The following DLGAP2 variants were observed in gnomAD, a reference collection of about 807,000 sequenced individuals.
DLGAP2 encodes DLG associated protein 2.
DLGAP2 carries 26 observed loss-of-function variants against 100.3 expected under a neutral mutation model. The ratio of observed to expected loss-of-function variants is 0.26; its 90% CI spans 0.19 to 0.36. DLGAP2 has a LOEUF of 0.36. Among genes scored for constraint, DLGAP2 ranks in the 10% least tolerant of loss-of-function variants. The pLI is 1.00. For missense variants in DLGAP2, 1,858 were observed against 1,453.2 expected (o/e 1.28, Z -4.53); for synonymous variants, 886 against 630.1 (o/e 1.41, Z -6.08).
chr8:1,498,216 G>A (rs758674777), intron 3 of DLGAP2, among the ~76,000 whole-genome samples: 4 of 152,258 alleles, frequency 2.6e-5, no homozygotes, highest in East Asian at 1.9e-4. Context: ...AGTTCCCACC[G>A]TGCAGAGGAA....
rs117258262 is a variant in DLGAP2, at chr8:1,685,503, G to A, written c.2705-6032G>A. Among the ~76,000 whole-genome samples, 12 of 152,298 alleles carry A rather than the reference G, an allele frequency of 7.9e-5. No homozygotes were observed. In the East Asian group the frequency reaches 2.3e-3, roughly 29 times the overall value. The stretch of plus-strand genomic sequence containing the variant: ...GTGTCCATTTTGTGGATCAGACTAA[G>A]AGAATCAACCCACTGACCAGGCCTC... On this transcript the variant is annotated intron_variant, in intron 12 of 14. Transcript: ENST00000637795.
chr8:1,325,187 T>C (rs1800992211), intron 3 of DLGAP2, among the ~76,000 whole-genome samples: 1 of 152,176 alleles, frequency 6.6e-6, no homozygotes, highest in Non-Finnish European at 1.5e-5. Context: ...TAGCGGATGG[T>C]CTTCTCAGCG....
chr8:1,650,842 G>A (rs1167118842), intron 8 of DLGAP2, among the ~76,000 whole-genome samples: 1 of 148,276 alleles, frequency 6.7e-6, no homozygotes, highest in Non-Finnish European at 1.5e-5. Context: ...GAGCAGAGAT[G>A]GGAGGAGAGT....
chr8:1,596,484 C>T (rs1796463216), intron 6 of DLGAP2, among the ~76,000 whole-genome samples: 1 of 152,190 alleles, frequency 6.6e-6, no homozygotes, highest in African/African-American at 2.4e-5. Context: ...CTTATACTCC[C>T]ACCAACAGTG....
At chr8:1,592,423 C>T (rs1360701635) in intron 6 of DLGAP2, among the ~76,000 whole-genome samples, 1 of 152,044 alleles carries the variant, frequency 6.6e-6, no homozygotes, top group African/African-American at 2.4e-5. Context: ...GACTTTACCC[C>T]TGTGTTTCTG....
At chr8:1,636,368 T>C (rs960880170) in intron 8 of DLGAP2, among the ~76,000 whole-genome samples, 2 of 152,212 alleles carry the variant, frequency 1.3e-5, no homozygotes, top group Admixed American at 6.5e-5. Flanking sequence ...CTTATTTTAT[T>C]ATTTATATTT....
intron 3 of DLGAP2, among the ~76,000 whole-genome samples, chr8:1,463,621 A>G (rs1798523441): frequency 6.6e-6 from 1 of 152,238 alleles, no homozygotes; most frequent in African/African-American, 2.4e-5. Flanking sequence ...TGTGTCAAAC[A>G]AAGCAATCCC....
chr8:960,252 T>TTTTTTTTTTTTTTTTTTTTTTC (rs369284313), intron 2 of DLGAP2, among the ~76,000 whole-genome samples: 16 of 142,006 alleles, frequency 1.1e-4, no homozygotes, highest in Admixed American at 2.8e-4. Context: ...TTTTTTTTTT[T>TTTTTTTTTTTTTTTTTTTTTTC]CCCGAGACAC....
chr8:1,190,672 C>T (rs1033946571), intron 2 of DLGAP2, among the ~76,000 whole-genome samples: 1 of 152,292 alleles, frequency 6.6e-6, no homozygotes, highest in Admixed American at 6.5e-5. Context: ...TATCCTCATC[C>T]TCCCAACCCC....
At chr8:1,569,845 G>C (rs531873524) in intron 6 of DLGAP2, among the ~76,000 whole-genome samples, 1 of 152,012 alleles carries the variant, frequency 6.6e-6, no homozygotes, top group Non-Finnish European at 1.5e-5. Context: ...TTCTGCGGAG[G>C]GCAGGATAGA....
intron 4 of DLGAP2, among the ~76,000 whole-genome samples, chr8:1,507,095 G>C (rs142758935): frequency 0.02 from 3,050 of 152,352 alleles, 39 homozygotes; most frequent in Non-Finnish European, 0.032. Context: ...CAGGAGCCCA[G>C]CTGGCTTCAC....
intron 3 of DLGAP2, among the ~76,000 whole-genome samples, chr8:1,494,701 C>T (rs1381298543): frequency 3.3e-5 from 5 of 151,934 alleles, no homozygotes; most frequent in African/African-American, 1.2e-4. Flanking sequence ...GCACTCCAGC[C>T]TGGGCAACAG....
At chr8:1,428,648 C>T (rs1797306541) in intron 3 of DLGAP2, among the ~76,000 whole-genome samples, 1 of 152,210 alleles carries the variant, frequency 6.6e-6, no homozygotes, top group Non-Finnish European at 1.5e-5. Context: ...AATAAATATG[C>T]ATGTGCCCAT....
intron 3 of DLGAP2, among the ~76,000 whole-genome samples, chr8:1,286,319 A>G (rs1799920610): frequency 1.3e-5 from 2 of 152,186 alleles, no homozygotes; most frequent in Admixed American, 1.3e-4. Flanking sequence ...TCTTTACTTT[A>G]TAAATCACCC....
chr8:1,246,135 G>T (rs1250213701), intron 2 of DLGAP2, among the ~76,000 whole-genome samples: 1 of 152,118 alleles, frequency 6.6e-6, no homozygotes, highest in Non-Finnish European at 1.5e-5. Flanking sequence ...ATTCCCATAG[G>T]TGTCTTCTGA....
At chr8:1,145,113 C>T (rs568805489) in intron 2 of DLGAP2, among the ~76,000 whole-genome samples, 28 of 152,324 alleles carry the variant, frequency 1.8e-4, no homozygotes, top group Admixed American at 9.1e-4. Flanking sequence ...GCATTTATTT[C>T]CTGTAGCTTC....
chr8:848,348 GAACGTGCGGTGCCTGTTC>G (rs1797111151), intron 1 of DLGAP2, among the ~76,000 whole-genome samples: 1 of 147,520 alleles, frequency 6.8e-6, no homozygotes, highest in Non-Finnish European at 1.5e-5. Context: ...TCCAGTATAG[GAACGTGCGGTGCCTGTTC>G]CAGTGTAGGG....
intron 3 of DLGAP2, among the ~76,000 whole-genome samples, chr8:1,289,635 A>T (rs1800015099): frequency 1.3e-5 from 2 of 152,230 alleles, no homozygotes; most frequent in South Asian, 4.2e-4. Flanking sequence ...TAGCGTTCCT[A>T]CATAGTCCCT....
intron 1 of DLGAP2, among the ~76,000 whole-genome samples, chr8:883,925 A>G (rs1797870523): frequency 6.6e-6 from 1 of 152,214 alleles, no homozygotes; most frequent in African/African-American, 2.4e-5. Context: ...TTTGCTGAGG[A>G]TAATGGCTTC....
Sources: gnomAD v4.1 joint callset for allele counts (sites outside exome capture counted in the v4.1 genomes callset) on GRCh38, gnomAD v4.1.1 for gene constraint, MANE v1.5 for transcripts, NCBI Gene and HGNC (gene_info 2026-07-23, HGNC 2026-07-21) for gene names.